The following CACNA2D3 variants were observed in gnomAD, a reference collection of about 807,000 sequenced individuals.
CACNA2D3 encodes the protein calcium voltage-gated channel auxiliary subunit alpha2delta 3, also known as voltage-dependent calcium channel subunit alpha-2/delta-3.
In CACNA2D3, 60 loss-of-function variants were observed where a neutral mutation model predicts 160.6. The ratio of observed to expected loss-of-function variants is 0.37; its 90% CI spans 0.30 to 0.46. The LOEUF (loss-of-function observed/expected upper bound fraction) is 0.46. CACNA2D3 is among the 20% of genes least tolerant of loss of function. The pLI is 1.00. For missense variants in CACNA2D3, 1,205 were observed against 1,365.0 expected, an observed-to-expected ratio of 0.88 and a Z score of 1.85; for synonymous variants, 558 against 492.9, an observed-to-expected ratio of 1.13 and a Z score of -1.75.
At chr3:54,741,865 A>C (rs1453868416) in intron 11 of CACNA2D3, among the ~76,000 whole-genome samples, 2 of 151,502 alleles carry the variant, frequency 1.3e-5, no homozygotes, top group Non-Finnish European at 2.9e-5. Flanking sequence ...TTTTCATATA[A>C]ATTTATTTTA....
chr3:54,622,935 G>A (rs796723269), intron 9 of CACNA2D3, among the ~76,000 whole-genome samples: 1 of 152,206 alleles, frequency 6.6e-6, no homozygotes, highest in Non-Finnish European at 1.5e-5. Flanking sequence ...GCGGTAAACC[G>A]ATCGCACCAT....
chr3:54,822,752 TTCTTTCTTTCTTTC>T (rs1204444831), intron 14 of CACNA2D3, among the ~76,000 whole-genome samples: 3 of 73,170 alleles, frequency 4.1e-5, no homozygotes, highest in Admixed American at 1.6e-4. Context: ...CTTTCTTTCT[TTCTTTCTTTCTTTC>T]TTTCTTTCTT....
chr3:54,941,117 C>T (rs1701455611), intron 27 of CACNA2D3, among the ~76,000 whole-genome samples: 1 of 152,138 alleles, frequency 6.6e-6, no homozygotes, highest in Non-Finnish European at 1.5e-5. Context: ...GTGAATGTTT[C>T]TCCTGGTAAT....
At chr3:54,618,185 C>T (rs751815860) in intron 9 of CACNA2D3, among the ~76,000 whole-genome samples, 17 of 151,570 alleles carry the variant, frequency 1.1e-4, no homozygotes, top group Admixed American at 3.3e-4. Flanking sequence ...ATTATTGACT[C>T]AATTCTTTAT....
chr3:54,866,041 C>T (rs1274906243), intron 17 of CACNA2D3, among the ~76,000 whole-genome samples: 1 of 152,154 alleles, frequency 6.6e-6, no homozygotes, highest in East Asian at 1.9e-4. Context: ...TCAATGGGTT[C>T]CCTTGATGAA....
At chr3:54,894,520 T>C (rs934835740) in intron 25 of CACNA2D3, 2 of 465,622 alleles carry the variant, frequency 4.3e-6, no homozygotes. Context: ...CCATCTCATC[T>C]ACCATGACTC....
At chr3:54,155,298 C>T (rs1336727384) in intron 2 of CACNA2D3, among the ~76,000 whole-genome samples, 1 of 152,162 alleles carries the variant, frequency 6.6e-6, no homozygotes, top group Non-Finnish European at 1.5e-5. Context: ...AGAGTACTCC[C>T]CAGGGTCGTG....
chr3:54,589,481 CA>C (rs1311135544), intron 9 of CACNA2D3, among the ~76,000 whole-genome samples: 3 of 151,176 alleles, frequency 2.0e-5, no homozygotes, highest in African/African-American at 7.3e-5. Flanking sequence ...TAGGGCTAGG[CA>C]AAGCGTTCTT....
rs537961715 is a variant in CACNA2D3 at position 54,209,460 on chromosome 3, AG to A, written c.204+85867del. Among the ~76,000 whole-genome samples the A allele has an allele frequency of 7.9e-5, 12 of 152,334 alleles. No homozygotes were observed. In the East Asian group the frequency reaches 2.3e-3, roughly 29 times the overall value. On this transcript the variant is annotated intron_variant, in intron 2 of 37. Coordinates refer to ENST00000474759, the MANE Select transcript of CACNA2D3 (RefSeq NM_018398.3). ...TCAGCTAATGAAAATAGAGGTCAAA[AG>A]TAATTATCCCTGTACCGATTCTGTA...
chr3:54,305,823 C>T (rs926640586), intron 2 of CACNA2D3, among the ~76,000 whole-genome samples: 2 of 152,208 alleles, frequency 1.3e-5, no homozygotes, highest in Non-Finnish European at 2.9e-5. Context: ...TCTTAACTTA[C>T]AAATGTAGAT....
intron 5 of CACNA2D3, 44 bp downstream of exon 5, chr3:54,503,698 G>T: frequency 6.3e-7 from 1 of 1,578,574 alleles, no homozygotes; most frequent in Non-Finnish European, 8.7e-7. Flanking sequence ...TGAAGAATCA[G>T]GGGGTTGAGA....
At chr3:54,135,239 A>G (rs17053757) in intron 2 of CACNA2D3, among the ~76,000 whole-genome samples, 3,864 of 152,116 alleles carry the variant, frequency 0.025, 137 homozygotes, top group East Asian at 0.16. Flanking sequence ...CTGTGCTTTG[A>G]AGGCTACTGG....
intron 35 of CACNA2D3, among the ~76,000 whole-genome samples, chr3:55,027,250 AC>A (rs1703582652): frequency 6.6e-6 from 1 of 152,110 alleles, no homozygotes; most frequent in Non-Finnish European, 1.5e-5. Flanking sequence ...GAAGAGTGGA[AC>A]CCTTTTATTC....
At chr3:55,048,233 G>C (rs1704105797) in intron 35 of CACNA2D3, among the ~76,000 whole-genome samples, 1 of 139,848 alleles carries the variant, frequency 7.2e-6, no homozygotes, top group South Asian at 2.4e-4. Flanking sequence ...TATTGGCTGT[G>C]GGTTTGTCAT....
chr3:54,223,309 G>A (rs184574527), intron 2 of CACNA2D3, among the ~76,000 whole-genome samples: 16 of 152,244 alleles, frequency 1.1e-4, no homozygotes, highest in East Asian at 5.8e-4. Flanking sequence ...TGTATAGCAC[G>A]TTACTGTATT....
At chr3:54,154,787 C>T (rs924263743) in intron 2 of CACNA2D3, among the ~76,000 whole-genome samples, 6 of 152,168 alleles carry the variant, frequency 3.9e-5, no homozygotes, top group South Asian at 2.1e-4. Context: ...TGCAGATGTA[C>T]GATTCTGTTC....
At chr3:54,862,490 C>A (rs1391154988) in intron 17 of CACNA2D3, among the ~76,000 whole-genome samples, 5 of 152,194 alleles carry the variant, frequency 3.3e-5, no homozygotes, top group Admixed American at 2.6e-4. Context: ...CAGGTAATGG[C>A]AGTTGGCTTG....
At chr3:54,776,791 CT>C (rs1702433377) in intron 13 of CACNA2D3, among the ~76,000 whole-genome samples, 1 of 152,184 alleles carries the variant, frequency 6.6e-6, no homozygotes, top group Admixed American at 6.5e-5. Context: ...CAGCCTCCCC[CT>C]GGCCCCACAT....
chr3:54,793,275 G>T (rs1702798876), intron 13 of CACNA2D3, among the ~76,000 whole-genome samples: 1 of 152,234 alleles, frequency 6.6e-6, no homozygotes, highest in Non-Finnish European at 1.5e-5. Context: ...GATATCTCCT[G>T]TGAGAAGTGA....
Sources: allele counts gnomAD v4.1 joint callset (sites outside exome capture counted in the v4.1 genomes callset), GRCh38; gene constraint gnomAD v4.1.1; transcripts MANE v1.5; gene names NCBI Gene and HGNC (gene_info 2026-07-23, HGNC 2026-07-21).